The following NTNG1 variants were observed in gnomAD, a reference collection of about 807,000 sequenced individuals.
The protein encoded by NTNG1 is netrin-G1.
Under a neutral mutation model 54.0 loss-of-function variants are expected in NTNG1, and 16 were observed. That is an observed-to-expected ratio of 0.30 (90% CI 0.20 to 0.45). The LOEUF is 0.45. Among genes scored for constraint, NTNG1 ranks in the 20% least tolerant of loss-of-function variants. The pLI, the probability that NTNG1 is intolerant of heterozygous loss-of-function variation, is 1.00. For missense variants in NTNG1, 530 were observed against 678.7 expected, an observed-to-expected ratio of 0.78 and a Z score of 2.43; for synonymous variants, 255 against 263.1, an observed-to-expected ratio of 0.97 and a Z score of 0.30.
chr1:107,408,593 A>T (rs1673595747), intron 5 of NTNG1: 1 of 151,848 alleles, frequency 6.6e-6, no homozygotes, highest in African/African-American at 2.4e-5. Flanking sequence ...CATTAAGAAA[A>T]TGCCCAGTAA....
intron 2 of NTNG1, among the ~76,000 whole-genome samples, chr1:107,306,386 T>C (rs1156661536): frequency 6.6e-6 from 1 of 152,202 alleles, no homozygotes; most frequent in East Asian, 1.9e-4. Flanking sequence ...ATTTCAAGTG[T>C]TCAGTACCTT....
intron 5 of NTNG1, among the ~76,000 whole-genome samples, chr1:107,425,452 TGTTA>T (rs1159698315): frequency 1.3e-5 from 2 of 152,090 alleles, no homozygotes; most frequent in Non-Finnish European, 1.5e-5. Flanking sequence ...TCTGCTTCTC[TGTTA>T]GTTCACTTAG....
At chr1:107,375,395 G>C (rs980285318) in intron 3 of NTNG1, among the ~76,000 whole-genome samples, 1 of 152,152 alleles carries the variant, frequency 6.6e-6, no homozygotes, top group African/African-American at 2.4e-5. Context: ...CGTATATTTT[G>C]TTTTGACTTG....
intron 2 of NTNG1, among the ~76,000 whole-genome samples, chr1:107,214,052 T>A (rs1196540306): frequency 6.6e-6 from 1 of 152,170 alleles, no homozygotes; most frequent in East Asian, 1.9e-4. Context: ...TTTTAATAAA[T>A]ATAAGTTCTT....
chr1:107,159,083 A>G (rs911536830), intron 2 of NTNG1, among the ~76,000 whole-genome samples: 1 of 152,154 alleles, frequency 6.6e-6, no homozygotes, highest in Admixed American at 6.6e-5. Context: ...TGCTCTCTCA[A>G]GAGAGAACAG....
chr1:107,406,693 T>C (rs1673447132), intron 4 of NTNG1, among the ~76,000 whole-genome samples: 1 of 152,116 alleles, frequency 6.6e-6, no homozygotes, highest in Admixed American at 6.6e-5. Context: ...ACAATAATAG[T>C]AATCATCGCA....
At chr1:107,169,102 G>A (rs574934744) in intron 2 of NTNG1, among the ~76,000 whole-genome samples, 68 of 152,246 alleles carry the variant, frequency 4.5e-4, no homozygotes, top group African/African-American at 1.5e-3. Flanking sequence ...AGAATGGCAA[G>A]AGTATTAATA....
chr1:107,184,041 T>C (rs1657262000), intron 2 of NTNG1, among the ~76,000 whole-genome samples: 1 of 152,164 alleles, frequency 6.6e-6, no homozygotes, highest in African/African-American at 2.4e-5. Context: ...ACAATCGATC[T>C]ATCTACTGCC....
At chr1:107,140,639 C>T (rs1354045961), upstream of NTNG1, among the ~76,000 whole-genome samples, 1 of 151,712 alleles carries the variant, frequency 6.6e-6, no homozygotes, top group Non-Finnish European at 1.5e-5. Context: ...GATTTATGCC[C>T]CTTCTGACTA....
In NTNG1 at chr1:107,197,841, C is replaced by A. The variant is rs140424545; in HGVS notation, c.246+49002C>A. On this transcript the variant is annotated intron_variant, in intron 2 of 7. Transcript: ENST00000370068. Reference sequence around the variant, plus strand: ...GGTGCACCATGGTGTGTAAACATTGCCATCCACCTGGCCACTGTTATTTTA... The same window carrying A: ...GGTGCACCATGGTGTGTAAACATTGACATCCACCTGGCCACTGTTATTTTA... Among the ~76,000 whole-genome samples the A allele has an allele frequency of 1.8e-4, 27 of 152,090 alleles. No homozygotes were observed. The East Asian group carries it at 5.2e-3, about 30-fold the overall frequency.
intron 1 of NTNG1, chr1:107,143,525 A>G (rs971145486): frequency 6.6e-6 from 1 of 152,172 alleles, no homozygotes; most frequent in African/African-American, 2.4e-5. Flanking sequence ...CACTTGGAAA[A>G]AAGAAAATTG....
intron 2 of NTNG1, among the ~76,000 whole-genome samples, chr1:107,279,777 T>C (rs1283784478): frequency 1.3e-5 from 2 of 152,106 alleles, no homozygotes; most frequent in Non-Finnish European, 2.9e-5. Context: ...CATTACTCCA[T>C]TGGCTTTTAT....
intron 2 of NTNG1, among the ~76,000 whole-genome samples, chr1:107,240,694 C>T (rs538985152): frequency 1.3e-5 from 2 of 152,248 alleles, no homozygotes; most frequent in South Asian, 4.2e-4. Flanking sequence ...TTCATGAGTC[C>T]AGTTTGATTT....
intron 7 of NTNG1, among the ~76,000 whole-genome samples, chr1:107,469,093 A>G (rs1677798699): frequency 2.5e-5 from 2 of 81,366 alleles, no homozygotes; most frequent in African/African-American, 9.2e-5. Context: ...TCAAAACTCC[A>G]TTTCAAAAAA....
chr1:107,455,895 G>C (rs1291209275), intron 7 of NTNG1, among the ~76,000 whole-genome samples: 1 of 152,104 alleles, frequency 6.6e-6, no homozygotes, highest in Non-Finnish European at 1.5e-5. Context: ...CTTCTAAAAT[G>C]GTGTATGAGG....
chr1:107,269,955 T>C lies in NTNG1; in HGVS notation c.247-54327T>C, dbSNP rs540174196. On this transcript the variant is annotated intron_variant, in intron 2 of 7. Transcript: ENST00000370068. Reference sequence around the variant, plus strand: ...TTGTTTTGCTTTTAGCATAGCTGGCTCAGTAATTTCTATTTATGTTCCAAA... The same window carrying C: ...TTGTTTTGCTTTTAGCATAGCTGGCCCAGTAATTTCTATTTATGTTCCAAA... Among the ~76,000 whole-genome samples the C allele has an allele frequency of 2.6e-4, 39 of 152,376 alleles. No homozygotes were observed. In the South Asian group the frequency reaches 6.8e-3, roughly 27 times the overall value.
intron 2 of NTNG1, among the ~76,000 whole-genome samples, chr1:107,306,920 G>T (rs935670019): frequency 6.6e-6 from 1 of 152,202 alleles, no homozygotes; most frequent in African/African-American, 2.4e-5. Flanking sequence ...GGCTCCGAAA[G>T]GTAGATCATT....
At chr1:107,257,572 G>A (rs748644781) in intron 2 of NTNG1, among the ~76,000 whole-genome samples, 2 of 152,096 alleles carry the variant, frequency 1.3e-5, no homozygotes, top group East Asian at 1.9e-4. Flanking sequence ...GCTACACAGC[G>A]GCTCCAGTCA....
intron 3 of NTNG1, among the ~76,000 whole-genome samples, chr1:107,326,642 C>A (rs970800226): frequency 1.3e-5 from 2 of 152,020 alleles, no homozygotes; most frequent in Non-Finnish European, 2.9e-5. Context: ...CTAGTGTAAT[C>A]TACATTGCTC....
Sources: allele counts gnomAD v4.1 joint callset (sites outside exome capture counted in the v4.1 genomes callset), GRCh38; gene constraint gnomAD v4.1.1; transcripts MANE v1.5; gene names NCBI Gene and HGNC (gene_info 2026-07-23, HGNC 2026-07-21).